Variants in NRG1 observed in about 807,000 individuals in gnomAD.
The protein encoded by NRG1 is pro-neuregulin-1, membrane-bound isoform.
Under a neutral mutation model 63.8 loss-of-function variants are expected in NRG1, and 18 were observed. That is an observed-to-expected ratio of 0.28 (90% confidence interval 0.19 to 0.42). The LOEUF (loss-of-function observed/expected upper bound fraction) is 0.42. Ranked by LOEUF, NRG1 falls within the 10% of genes least tolerant of loss-of-function variation. The pLI is 1.00. For missense variants in NRG1, 762 were observed against 814.7 expected (o/e 0.94, Z 0.79); for synonymous variants, 302 against 301.3 (o/e 1.00, Z -0.02).
chr8:32,386,784 T>G (rs993268705), intron 1 of NRG1, among the ~76,000 whole-genome samples: 1 of 152,216 alleles, frequency 6.6e-6, no homozygotes, highest in African/African-American at 2.4e-5. Flanking sequence ...CTCTCCTTAC[T>G]TTCATTTCTT....
chr8:32,769,208 G>A (rs1269505648), downstream of NRG1, among the ~76,000 whole-genome samples: 1 of 152,124 alleles, frequency 6.6e-6, no homozygotes, highest in East Asian at 1.9e-4. Context: ...TAACGAAATT[G>A]AACACTATAA....
chr8:31,655,858 G>A lies in NRG1; in HGVS notation c.37+16427G>A, dbSNP rs1053573243. ...TTCTTTTAGCCTTGGCTGTGATGGG[G>A]CAATGCCTACAAAGGGCGGTGGGGA... On this transcript the variant is annotated intron_variant, in intron 1 of 10. Transcript: ENST00000519301. Among the ~76,000 whole-genome samples, 7 of 152,294 alleles carry A rather than the reference G, an allele frequency of 4.6e-5. No homozygotes were observed. The South Asian group carries it at 1.5e-3, about 32-fold the overall frequency.
At chr8:32,406,613 T>C (rs1250769302) in intron 1 of NRG1, among the ~76,000 whole-genome samples, 5 of 152,292 alleles carry the variant, frequency 3.3e-5, no homozygotes, top group Admixed American at 2.0e-4. Context: ...AGCAAGTGGA[T>C]ACTTAGTAGC....
intron 1 of NRG1, among the ~76,000 whole-genome samples, chr8:32,178,115 G>A (rs1197317952): frequency 6.6e-6 from 1 of 152,086 alleles, no homozygotes; most frequent in Non-Finnish European, 1.5e-5. Context: ...CATGCTAAAA[G>A]ACCCAGAATT....
intron 1 of NRG1, among the ~76,000 whole-genome samples, chr8:32,454,344 C>T (rs891789044): frequency 6.6e-6 from 1 of 152,076 alleles, no homozygotes; most frequent in African/African-American, 2.4e-5. Flanking sequence ...TTTCTAAAAA[C>T]AGTATAATAG....
At chr8:31,794,130 T>C (rs1038893374) in intron 1 of NRG1, among the ~76,000 whole-genome samples, 68 of 152,146 alleles carry the variant, frequency 4.5e-4, no homozygotes, top group Non-Finnish European at 5.0e-4. Context: ...CAGAAAGGCA[T>C]GGTTTGTATT....
At chr8:32,038,856 G>A (rs962133177) in intron 1 of NRG1, among the ~76,000 whole-genome samples, 3 of 152,050 alleles carry the variant, frequency 2.0e-5, no homozygotes, top group South Asian at 2.1e-4. Context: ...TTTTGCTTGC[G>A]TGAAAGAGGA....
At chr8:32,433,226 G>C (rs1818375408) in intron 1 of NRG1, among the ~76,000 whole-genome samples, 1 of 152,156 alleles carries the variant, frequency 6.6e-6, no homozygotes, top group Non-Finnish European at 1.5e-5. Context: ...CAAGTGATGA[G>C]ACATCAGGAA....
intron 1 of NRG1, among the ~76,000 whole-genome samples, chr8:32,190,176 T>C (rs978562790): frequency 9.4e-5 from 14 of 149,580 alleles, no homozygotes; most frequent in Non-Finnish European, 5.9e-5. Flanking sequence ...TCAAAATGTA[T>C]TATTATTATT....
chr8:32,452,844 C>A (rs188808972), intron 1 of NRG1, among the ~76,000 whole-genome samples: 2 of 152,170 alleles, frequency 1.3e-5, no homozygotes, highest in East Asian at 3.9e-4. Flanking sequence ...TATTTAAATA[C>A]CTTTTAGCTA....
At chr8:31,864,158 T>C (rs569520203) in intron 1 of NRG1, among the ~76,000 whole-genome samples, 1 of 152,320 alleles carries the variant, frequency 6.6e-6, no homozygotes, top group Non-Finnish European at 1.5e-5. Context: ...GTGTATTCAT[T>C]CATTTTTTGT....
intron 1 of NRG1, among the ~76,000 whole-genome samples, chr8:32,160,090 G>A (rs1838661354): frequency 6.6e-6 from 1 of 152,136 alleles, no homozygotes; most frequent in South Asian, 2.1e-4. Flanking sequence ...GAGAAATAGT[G>A]GGATGATGAA....
chr8:32,015,021 C>T (rs892988654), intron 1 of NRG1, among the ~76,000 whole-genome samples: 1 of 152,082 alleles, frequency 6.6e-6, no homozygotes, highest in East Asian at 1.9e-4. Context: ...GCAAAAGGAA[C>T]GAACCCTGCC....
At chr8:32,560,016 CAAAAT>C (rs1180925544) in intron 1 of NRG1, among the ~76,000 whole-genome samples, 18 of 151,614 alleles carry the variant, frequency 1.2e-4, no homozygotes, top group African/African-American at 1.9e-4. Context: ...GACCCTGTGT[CAAAAT>C]AAAATAAAAT....
At chr8:31,910,293 C>T (rs1388906815) in intron 1 of NRG1, among the ~76,000 whole-genome samples, 1 of 147,314 alleles carries the variant, frequency 6.8e-6, no homozygotes, top group Non-Finnish European at 1.5e-5. Context: ...AGACATGCAG[C>T]ATAGAATGGA....
Position 31,893,709 on chromosome 8 carries a change from G to A in NRG1, c.37+254278G>A, listed in dbSNP as rs945204441. On this transcript the variant is annotated intron_variant, in intron 1 of 10. Coordinates refer to the NRG1 transcript ENST00000519301. ...GATTAAAGTGGTCAATGTCTTTAAAGGCTAATATTAATAGCTGACTTGTGG... is the reference window on the plus strand; with the variant it reads ...GATTAAAGTGGTCAATGTCTTTAAAAGCTAATATTAATAGCTGACTTGTGG... Among the ~76,000 whole-genome samples the A allele has an allele frequency of 1.1e-4, 16 of 151,512 alleles. 1 individual carries two copies. The highest frequency in any genetic ancestry group is 3.6e-4 in the African/African-American group (15 of 41,410).
intron 1 of NRG1, among the ~76,000 whole-genome samples, chr8:31,761,490 A>C (rs181815885): frequency 4.6e-5 from 7 of 152,198 alleles, no homozygotes; most frequent in African/African-American, 1.7e-4. Context: ...AATAAAGTGA[A>C]AGTTGTGTGA....
At chr8:31,944,269 G>C (rs1266069301) in intron 1 of NRG1, among the ~76,000 whole-genome samples, 1 of 152,166 alleles carries the variant, frequency 6.6e-6, no homozygotes, top group Non-Finnish European at 1.5e-5. Context: ...AAACTACAGT[G>C]ATATTGAGTG....
intron 1 of NRG1, among the ~76,000 whole-genome samples, chr8:31,994,294 A>G (rs573166996): frequency 1.1e-3 from 174 of 152,068 alleles, no homozygotes; most frequent in Non-Finnish European, 1.6e-3. Flanking sequence ...GGACACAGTT[A>G]GGTATGAATT....
Sources: gnomAD v4.1 joint callset for allele counts (sites outside exome capture counted in the v4.1 genomes callset) on GRCh38, gnomAD v4.1.1 for gene constraint, MANE v1.5 for transcripts, NCBI Gene and HGNC (gene_info 2026-07-23, HGNC 2026-07-21) for gene names.